Variants in TNR observed in about 807,000 individuals in gnomAD.
The protein encoded by TNR is tenascin-R.
A neutral mutation model predicts 150.4 loss-of-function variants in TNR; 45 were observed. The ratio of observed to expected loss-of-function variants is 0.30; its 90% confidence interval spans 0.24 to 0.38. The LOEUF (loss-of-function observed/expected upper bound fraction) is 0.38. Ranked by LOEUF, TNR falls within the 10% of genes least tolerant of loss-of-function variation. The probability of loss-of-function intolerance (pLI) is 1.00; values close to 1 mark genes in which losing one functional copy is unlikely to be tolerated. For synonymous variants in TNR, 687 were observed against 678.4 expected (o/e 1.01, Z -0.20); for missense variants, 1,544 against 1,759.1 (o/e 0.88, Z 2.19).
At chr1:175,465,238 A>G (rs1380540759) in intron 2 of TNR, among the ~76,000 whole-genome samples, 1 of 152,186 alleles carries the variant, frequency 6.6e-6, no homozygotes, top group African/African-American at 2.4e-5. Flanking sequence ...TTTTGGTCTT[A>G]GTTTCCTTAT....
At chr1:175,642,058 A>G (rs180757066) in intron 1 of TNR, among the ~76,000 whole-genome samples, 1 of 152,298 alleles carries the variant, frequency 6.6e-6, no homozygotes, top group East Asian at 1.9e-4. Flanking sequence ...CCTAATCCAC[A>G]ACCATATCAT....
chr1:175,594,185 C>G (rs1364737752), intron 1 of TNR, among the ~76,000 whole-genome samples: 1 of 152,114 alleles, frequency 6.6e-6, no homozygotes, highest in Non-Finnish European at 1.5e-5. Context: ...CAGGGTCTTC[C>G]TGATAGGGAT....
At chr1:175,340,933 G>C (rs947795934) in intron 18 of TNR, among the ~76,000 whole-genome samples, 2 of 152,142 alleles carry the variant, frequency 1.3e-5, no homozygotes, top group African/African-American at 4.8e-5. Context: ...TCTTGAGTGG[G>C]CTGGTTCCAA....
At chr1:175,570,705 C>T (rs978613170) in intron 1 of TNR, among the ~76,000 whole-genome samples, 1 of 151,618 alleles carries the variant, frequency 6.6e-6, no homozygotes, top group Non-Finnish European at 1.5e-5. Flanking sequence ...TATAATGTTC[C>T]CCCTTTCACA....
intron 7 of TNR, among the ~76,000 whole-genome samples, chr1:175,389,958 G>C (rs1653097367): frequency 6.6e-6 from 1 of 152,142 alleles, no homozygotes; most frequent in South Asian, 2.1e-4. Context: ...ATTTTTTAAA[G>C]GACAAAAATC....
chr1:175,632,572 G>T (rs915479020), intron 1 of TNR, among the ~76,000 whole-genome samples: 5 of 152,220 alleles, frequency 3.3e-5, no homozygotes, highest in African/African-American at 1.2e-4. Context: ...ATCCTGCAGA[G>T]ACCAAGTACT....
In TNR at chr1:175,406,391, G is replaced by C. The variant is rs755783098; in HGVS notation, c.324C>G (p.His108Gln). The C allele has an allele frequency of 6.2e-7, 1 of 1,614,128 alleles. No homozygotes were observed. The highest frequency in any genetic ancestry group is 1.1e-5 in the South Asian group (1 of 91,076). ...LAEYMGQTSD[H>Q]ESQVTFTHRI... Reference sequence around the variant, plus strand: ...TGTGTGTAAAGGTGACCTGGCTCTCGTGGTCTGAGGTCTGGCCCATGTACT... The same window carrying C: ...TGTGTGTAAAGGTGACCTGGCTCTCCTGGTCTGAGGTCTGGCCCATGTACT... The change falls in exon 3 of 23, where the codon CAC becomes CAG. Residue 108 changes from histidine to glutamine, a missense_variant. Physicochemically the swap from His to Gln is conservative, Grantham distance 24. Around this residue, in one of 2 missense-constraint regions of TNR, gnomAD observed 1,254 missense variants for 1,329.4 expected, o/e 0.94. Coordinates refer to ENST00000367674, the MANE Select transcript of TNR (RefSeq NM_003285.3).
chr1:175,408,866 A>G (rs1473641654), intron 2 of TNR, among the ~76,000 whole-genome samples: 1 of 152,222 alleles, frequency 6.6e-6, no homozygotes, highest in Non-Finnish European at 1.5e-5. Context: ...GAAATGTGTT[A>G]TCCATTTGTG....
At chr1:175,704,704 A>G (rs1162195018) in intron 1 of TNR, among the ~76,000 whole-genome samples, 1 of 152,218 alleles carries the variant, frequency 6.6e-6, no homozygotes, top group Non-Finnish European at 1.5e-5. Context: ...TTGCTGCAGC[A>G]GCTCCTCCTT....
chr1:175,541,916 C>A (rs1660515116), intron 1 of TNR, among the ~76,000 whole-genome samples: 1 of 152,190 alleles, frequency 6.6e-6, no homozygotes, highest in South Asian at 2.1e-4. Flanking sequence ...ATTTGTCCTA[C>A]CGAGATGGCA....
chr1:175,522,824 A>C (rs1659693767), intron 2 of TNR, among the ~76,000 whole-genome samples: 1 of 152,232 alleles, frequency 6.6e-6, no homozygotes, highest in African/African-American at 2.4e-5. Context: ...CATATTTGTT[A>C]ACAATATAGA....
At chr1:175,543,049 AT>A in intron 1 of TNR, among the ~76,000 whole-genome samples, 1 of 152,336 alleles carries the variant, frequency 6.6e-6, no homozygotes, top group South Asian at 2.1e-4. Context: ...TGCTGTTGCC[AT>A]TTTGAAATTA....
intron 1 of TNR, among the ~76,000 whole-genome samples, chr1:175,596,665 G>T (rs12240162): frequency 0.14 from 21,069 of 152,098 alleles, 1,984 homozygotes; most frequent in African/African-American, 0.26. Context: ...ATCAGCCTCC[G>T]TTCAGCAACA....
chr1:175,690,168 GC>G (rs201255352), intron 1 of TNR, among the ~76,000 whole-genome samples: 3,634 of 152,186 alleles, frequency 0.024, 126 homozygotes, highest in African/African-American at 0.079. Flanking sequence ...CTATTACATT[GC>G]CGTGGATCTT....
chr1:175,481,255 T>C (rs943352876), intron 2 of TNR, among the ~76,000 whole-genome samples: 4 of 152,232 alleles, frequency 2.6e-5, no homozygotes, highest in African/African-American at 9.6e-5. Flanking sequence ...AATGAATGAA[T>C]GAATGTGAAT....
chr1:175,338,316 A>T (rs192479551), intron 18 of TNR, among the ~76,000 whole-genome samples: 3 of 152,256 alleles, frequency 2.0e-5, no homozygotes, highest in Admixed American at 2.0e-4. Context: ...GGGCAGGGGA[A>T]GTAAATTGCA....
intron 1 of TNR, among the ~76,000 whole-genome samples, chr1:175,569,572 G>A (rs528600723): frequency 1.3e-5 from 2 of 152,300 alleles, no homozygotes; most frequent in South Asian, 4.1e-4. Context: ...GAAATTTGTG[G>A]TTTTTGCAGT....
At chr1:175,733,106 T>C (rs1287759515) in intron 1 of TNR, among the ~76,000 whole-genome samples, 1 of 152,220 alleles carries the variant, frequency 6.6e-6, no homozygotes, top group Non-Finnish European at 1.5e-5. Context: ...ACGTTAGAAG[T>C]AAAAATGCTA....
At chr1:175,323,755 C>T (rs952831548) in intron 22 of TNR, among the ~76,000 whole-genome samples, 3 of 152,138 alleles carry the variant, frequency 2.0e-5, no homozygotes, top group Non-Finnish European at 4.4e-5. Context: ...GTGGCATGCA[C>T]CAGTAGATGG....
Sources: gnomAD v4.1 joint callset for allele counts (sites outside exome capture counted in the v4.1 genomes callset) on GRCh38, gnomAD v4.1.1 for gene constraint, gnomAD v4.1.1 regional missense constraint, MANE v1.5 for transcripts, NCBI Gene and HGNC (gene_info 2026-07-23, HGNC 2026-07-21) for gene names.